The following DHRS3 variants were observed in gnomAD, a reference collection of about 807,000 sequenced individuals.
The protein encoded by DHRS3 is short-chain dehydrogenase/reductase 3.
Under a neutral mutation model 27.2 loss-of-function variants are expected in DHRS3, and 14 were observed. The observed-to-expected ratio is 0.52, with a 90% CI of 0.34 to 0.81. The LOEUF is 0.81. Ranked by LOEUF, DHRS3 falls within the 30% of genes least tolerant of loss-of-function variation. The pLI is 0.01. For missense variants in DHRS3, 322 were observed against 406.2 expected (o/e 0.79, Z 1.78); for synonymous variants, 165 against 175.9 (o/e 0.94, Z 0.49).
Position 12,583,417 on chromosome 1 carries a change from T to TATCC in DHRS3, c.196-2755_196-2752dup, listed in dbSNP as rs113024057. On this transcript the variant is annotated intron_variant, in intron 1 of 5. Transcript: ENST00000616661. ...CCATCCATCCATCCACTCACCTACT[T>TATCC]ATCCATCCATCCATCCATCCATCCA... Among the ~76,000 whole-genome samples, 746 of 84,734 alleles carry TATCC rather than the reference T, an allele frequency of 8.8e-3. 13 individuals carry two copies. Among genetic ancestry groups the TATCC allele is most frequent in the African/African-American group, 0.03 (609 of 20,346 alleles). The allele number at this position is 84,734 out of a possible 152,430, so 55.6% of individuals were successfully genotyped here.
At chr1:12,579,721 C>T in intron 2 of DHRS3, 1 of 270,226 alleles carries the variant, frequency 3.7e-6, no homozygotes, top group South Asian at 4.4e-5. Context: ...GACCCGCCTG[C>T]CTCGGTCTCC....
intron 1 of DHRS3, among the ~76,000 whole-genome samples, chr1:12,596,853 G>A (rs1369312856): frequency 3.9e-5 from 6 of 152,244 alleles, no homozygotes; most frequent in African/African-American, 1.4e-4. Flanking sequence ...GGCCTGGCAC[G>A]GGGAGAACTT....
rs200263650 is a variant in DHRS3 at position 12,580,612 on chromosome 1, G to A, written c.250C>T (p.Arg84Trp). 1.4e-5 allele frequency: 22 copies of A among 1,614,108 alleles called. No individual in the cohort carries two copies. Among genetic ancestry groups the A allele is most frequent in the South Asian group, 5.5e-5 (5 of 91,086 alleles). ...TAATGGCACTCAGTGCCCATCTGCCGGATCTCCTCCGTCGTCTCCTTCAGG... is the reference window on the plus strand; with the variant it reads ...TAATGGCACTCAGTGCCCATCTGCCAGATCTCCTCCGTCGTCTCCTTCAGG... ...KCLKETTEEI[R>W]QMGTECHYFI... The change falls in exon 2 of 6, where the codon CGG becomes TGG. Residue 84 changes from arginine to tryptophan, a missense_variant. Transcript: ENST00000616661.
chr1:12,588,574 C>G (rs1478044689), intron 1 of DHRS3, among the ~76,000 whole-genome samples: 1 of 152,168 alleles, frequency 6.6e-6, no homozygotes, highest in Non-Finnish European at 1.5e-5. Context: ...GCAAGGTCCT[C>G]CAGGGAATCT....
chr1:12,607,573 G>C (rs534441346), intron 1 of DHRS3, among the ~76,000 whole-genome samples: 5 of 152,256 alleles, frequency 3.3e-5, no homozygotes, highest in Admixed American at 1.3e-4. Flanking sequence ...GGCCTCCTCA[G>C]CCATGTGTAA....
intron 1 of DHRS3, among the ~76,000 whole-genome samples, chr1:12,600,193 G>A (rs994835559): frequency 2.0e-5 from 3 of 151,806 alleles, no homozygotes; most frequent in Admixed American, 6.6e-5. Context: ...AGAAAGAACC[G>A]CACATCTGTG....
chr1:12,585,236 AGT>A (rs572270133), intron 1 of DHRS3, among the ~76,000 whole-genome samples: 6,227 of 91,734 alleles, frequency 0.068, 184 homozygotes, highest in Non-Finnish European at 0.11. Context: ...TGTCTATGTG[AGT>A]GTGTGTCTCT....
chr1:12,593,640 A>G lies in DHRS3; in HGVS notation c.196-12974T>C, dbSNP rs948251499. Among the ~76,000 whole-genome samples the G allele has an allele frequency of 2.0e-5, 3 of 152,078 alleles. No individual in the cohort carries two copies. Among genetic ancestry groups the G allele is most frequent in the African/African-American group, 7.2e-5 (3 of 41,392 alleles). On this transcript the variant is annotated intron_variant, in intron 1 of 5. Coordinates refer to ENST00000616661, the MANE Select transcript of DHRS3 (RefSeq NM_004753.7). This position sits in a 1 kb window ranked among gnomAD's most constrained non-coding sequence, Gnocchi z 4.6. ...GATTTCCTCCTTCCCAGTTGCTGAGACAGGCATGTCTCCCCCTGTGATGAG... is the reference window on the plus strand; with the variant it reads ...GATTTCCTCCTTCCCAGTTGCTGAGGCAGGCATGTCTCCCCCTGTGATGAG...
At chr1:12,598,281 G>A (rs1159955434) in intron 1 of DHRS3, among the ~76,000 whole-genome samples, 1 of 152,084 alleles carries the variant, frequency 6.6e-6, no homozygotes, top group African/African-American at 2.4e-5. Context: ...CCGGCCACTG[G>A]GGAGGATCAC....
At position 12,585,211 on chromosome 1, in the gene DHRS3, A is replaced by G. The variant is rs62638897; in HGVS notation, c.196-4545T>C. Among the ~76,000 whole-genome samples the G allele has an allele frequency of 5.1e-4, 72 of 140,206 alleles. 1 individual carries two copies. The highest frequency in any genetic ancestry group is 2.9e-3 in the Admixed American group (42 of 14,474). The allele number at this position is 140,206 out of a possible 152,430, so 92.0% of individuals were successfully genotyped here. On this transcript the variant is annotated intron_variant, in intron 1 of 5. Transcript: ENST00000616661. ...TTTCTGTGTGTGTGTGTGTCTGTGT[A>G]TCTCTGTGTGTGTGTGTCTATGTGA...
At chr1:12,590,679 G>A (rs1381092385) in intron 1 of DHRS3, among the ~76,000 whole-genome samples, 1 of 152,008 alleles carries the variant, frequency 6.6e-6, no homozygotes, top group African/African-American at 2.4e-5. Flanking sequence ...CTCTGAATCC[G>A]CAGCCTCTTC....
intron 1 of DHRS3, among the ~76,000 whole-genome samples, chr1:12,599,925 T>C (rs1411475536): frequency 6.6e-6 from 1 of 152,064 alleles, no homozygotes; most frequent in Admixed American, 6.6e-5. Flanking sequence ...CTCTGAGGAG[T>C]AAATCAGATT....
At chr1:12,606,013 C>T (rs988436257) in intron 1 of DHRS3, among the ~76,000 whole-genome samples, 6 of 151,842 alleles carry the variant, frequency 4.0e-5, no homozygotes, top group African/African-American at 1.5e-4. Flanking sequence ...TGACGTGCGC[C>T]TGTAGTCCCA....
intron 1 of DHRS3, among the ~76,000 whole-genome samples, chr1:12,595,396 G>A (rs1240207747): frequency 1.3e-5 from 2 of 151,950 alleles, no homozygotes; most frequent in African/African-American, 2.4e-5. Context: ...GCCCAGGGGC[G>A]GGCGCGGGGC....
rs541761684 is a variant in DHRS3, at chr1:12,613,914, C to T, written c.195+3240G>A. Among the ~76,000 whole-genome samples, 6 of 152,154 alleles carry T rather than the reference C, an allele frequency of 3.9e-5. No individual in the cohort carries two copies. In the South Asian group the frequency reaches 6.2e-4, roughly 16 times the overall value. On this transcript the variant is annotated intron_variant, in intron 1 of 5. Coordinates refer to ENST00000616661, the MANE Select transcript of DHRS3 (RefSeq NM_004753.7). Reference sequence around the variant, plus strand: ...CCTCCCGAGTAGCTGGGATTACGGGCGCTTACCACCAGGCCTGGATAATTT... The same window carrying T: ...CCTCCCGAGTAGCTGGGATTACGGGTGCTTACCACCAGGCCTGGATAATTT...
At chr1:12,581,593 G>A (rs1372336367) in intron 1 of DHRS3, among the ~76,000 whole-genome samples, 1 of 152,154 alleles carries the variant, frequency 6.6e-6, no homozygotes. Flanking sequence ...ACCACTGAGG[G>A]TTTGGGCAAA....
At chr1:12,582,215 T>G (rs12029485) in intron 1 of DHRS3, among the ~76,000 whole-genome samples, 6,534 of 152,284 alleles carry the variant, frequency 0.043, 204 homozygotes, top group East Asian at 0.17. Context: ...GCTGCTCACC[T>G]TGAAATCTCA....
intron 1 of DHRS3, among the ~76,000 whole-genome samples, chr1:12,603,046 C>A (rs562576011): frequency 1.3e-5 from 2 of 152,336 alleles, no homozygotes; most frequent in South Asian, 4.1e-4. Flanking sequence ...GGGCTGAGTC[C>A]CCCTTGGAGA....
intron 1 of DHRS3, 127 bp downstream of exon 1, chr1:12,617,027 G>T: frequency 1.7e-6 from 2 of 1,163,452 alleles, no homozygotes; most frequent in Non-Finnish European, 2.4e-6. Flanking sequence ...CAGCACTCGT[G>T]GGTGGCGCGG....
Sources: allele counts gnomAD v4.1 joint callset (sites outside exome capture counted in the v4.1 genomes callset), GRCh38; gene constraint gnomAD v4.1.1; non-coding constraint Gnocchi (gnomAD v3.1); transcripts MANE v1.5; gene names NCBI Gene and HGNC (gene_info 2026-07-23, HGNC 2026-07-21).